Variants in SBF2 observed in about 807,000 individuals in gnomAD.
SBF2 encodes SET binding factor 2.
SBF2 carries 112 observed loss-of-function variants against 225.2 expected under a neutral mutation model. The observed-to-expected ratio is 0.50, with a 90% CI of 0.43 to 0.58. The LOEUF (loss-of-function observed/expected upper bound fraction) is 0.58. Ranked by LOEUF, SBF2 falls within the 20% of genes least tolerant of loss-of-function variation. SBF2 has a pLI of 0.00. For synonymous variants in SBF2, 763 were observed against 773.3 expected, an observed-to-expected ratio of 0.99 and a Z score of 0.22; for missense variants, 1,996 against 2,206.2, an observed-to-expected ratio of 0.90 and a Z score of 1.91.
Position 9,989,576 on chromosome 11 carries a change from T to C in SBF2, c.1316A>G (p.Glu439Gly). Residue 439 changes from glutamate to glycine, a missense_variant, in exon 13 of 40, where the codon GAG (glutamate) becomes GGG (glycine). Transcript: ENST00000256190. The part of the protein sequence containing the change: ...LFDELVAFEV[E>G]RIKVEENNPV... The stretch of plus-strand genomic sequence containing the variant: ...GTTATTTTCTTCAACTTTAATTCTC[T>C]CTACTTCAAAGGCTACCAACTAGGA... The C allele has an allele frequency of 2.5e-6, 4 of 1,605,590 alleles. No individual in the cohort carries two copies. The highest frequency in any genetic ancestry group is 3.4e-6 in the Non-Finnish European group (4 of 1,173,132).
At chr11:10,291,660 ACACACAC>A (rs1964166223) in intron 1 of SBF2, among the ~76,000 whole-genome samples, 3 of 3,098 alleles carry the variant, frequency 9.7e-4, no homozygotes, top group Non-Finnish European at 9.3e-3. Context: ...TCCACTAAAC[ACACACAC>A]ACACACACAC....
intron 2 of SBF2, among the ~76,000 whole-genome samples, chr11:10,136,341 A>T (rs1297819980): frequency 6.6e-6 from 1 of 152,048 alleles, no homozygotes; most frequent in Admixed American, 6.5e-5. Context: ...CTAATGAAGA[A>T]ACTCTTGGTG....
At chr11:10,202,552 G>A (rs567319318) in intron 1 of SBF2, among the ~76,000 whole-genome samples, 8 of 152,302 alleles carry the variant, frequency 5.3e-5, no homozygotes, top group African/African-American at 1.2e-4. Flanking sequence ...TTGGGAGGCC[G>A]AGGCGGGTGG....
intron 16 of SBF2, among the ~76,000 whole-genome samples, chr11:9,925,623 C>G (rs1222059483): frequency 1.3e-5 from 2 of 152,152 alleles, no homozygotes; most frequent in Non-Finnish European, 2.9e-5. Context: ...TCCTCAAAAG[C>G]CAATGTATAT....
chr11:10,265,003 C>T (rs1961830364), intron 1 of SBF2, among the ~76,000 whole-genome samples: 1 of 152,128 alleles, frequency 6.6e-6, no homozygotes, highest in South Asian at 2.1e-4. Context: ...TGGGTGGGTT[C>T]CAATTCTTTG....
intron 17 of SBF2, among the ~76,000 whole-genome samples, chr11:9,860,243 C>T (rs1031988313): frequency 6.8e-6 from 1 of 147,892 alleles, no homozygotes; most frequent in African/African-American, 2.5e-5. Context: ...TAGCAGTACA[C>T]AAGCCTATTT....
chr11:10,031,030 T>C lies in SBF2; in HGVS notation c.402+18A>G. 6.2e-7 allele frequency: 1 copy of C among 1,600,602 alleles called. No homozygotes were observed. The highest frequency in any genetic ancestry group is 8.6e-7 in the Non-Finnish European group (1 of 1,168,632). Reference sequence around the variant, plus strand: ...ACACAATAATACAAATTAATAATGATAACTATGTGTTCTTTACCCTAAAAA... The same window carrying C: ...ACACAATAATACAAATTAATAATGACAACTATGTGTTCTTTACCCTAAAAA... On this transcript the variant is annotated intron_variant, in intron 4 of 39. Coordinates refer to ENST00000256190, the MANE Select transcript of SBF2 (RefSeq NM_030962.4).
At chr11:9,843,687 T>G (rs1340086923) in intron 24 of SBF2, 1 of 152,100 alleles carries the variant, frequency 6.6e-6, no homozygotes, top group Non-Finnish European at 1.5e-5. Context: ...CTTTAGTTAT[T>G]TGCAATGTAA....
Position 9,852,540 on chromosome 11 carries a change from A to G in SBF2, c.2610+136T>C, listed in dbSNP as rs1349870212. On this transcript the variant is annotated intron_variant, in intron 21 of 39. Coordinates refer to ENST00000256190, the MANE Select transcript of SBF2 (RefSeq NM_030962.4). Reference sequence around the variant, plus strand: ...AGGTTCTATATGACACACTTCTCTGACAGTTTAACATATCATTAAAACTGG... The same window carrying G: ...AGGTTCTATATGACACACTTCTCTGGCAGTTTAACATATCATTAAAACTGG... The G allele has an allele frequency of 1.3e-4, 97 of 722,660 alleles. 1 individual carries two copies. The highest frequency in any genetic ancestry group is 7.6e-6 in the Non-Finnish European group (3 of 395,410). 44.8% of individuals were successfully genotyped at this position (722,660 alleles called of 1,614,324 possible).
intron 13 of SBF2, among the ~76,000 whole-genome samples, chr11:9,972,761 G>C (rs968403834): frequency 1.3e-5 from 2 of 152,172 alleles, no homozygotes; most frequent in African/African-American, 4.8e-5. Context: ...GATTACAGGC[G>C]TAAGCCACCA....
intron 6 of SBF2, among the ~76,000 whole-genome samples, chr11:10,005,312 CA>C (rs1948145662): frequency 6.6e-6 from 1 of 152,178 alleles, no homozygotes; most frequent in African/African-American, 2.4e-5. Flanking sequence ...CCAGTAAACA[CA>C]CTGCACATGT....
intron 2 of SBF2, among the ~76,000 whole-genome samples, chr11:10,143,822 A>G (rs1418270212): frequency 2.0e-5 from 3 of 151,926 alleles, no homozygotes. Flanking sequence ...GGTTCACGCC[A>G]TTCTCCTGCC....
chr11:10,023,586 T>C (rs1409271407), intron 6 of SBF2, among the ~76,000 whole-genome samples: 1 of 152,220 alleles, frequency 6.6e-6, no homozygotes, highest in East Asian at 1.9e-4. Flanking sequence ...CCTATGTGTT[T>C]GCCTATTTTG....
intron 2 of SBF2, among the ~76,000 whole-genome samples, chr11:10,053,587 T>C (rs1950136530): frequency 1.3e-5 from 2 of 152,166 alleles, no homozygotes; most frequent in South Asian, 2.1e-4. Flanking sequence ...TATATAGATA[T>C]TCTTCAAAAG....
At chr11:9,814,486 C>G (rs986657323) in intron 29 of SBF2, among the ~76,000 whole-genome samples, 1 of 151,710 alleles carries the variant, frequency 6.6e-6, no homozygotes, top group African/African-American at 2.4e-5. Flanking sequence ...GGAAAAAACC[C>G]CCAGGGAATG....
chr11:10,081,603 A>T (rs1160844229), intron 2 of SBF2, among the ~76,000 whole-genome samples: 1 of 151,972 alleles, frequency 6.6e-6, no homozygotes, highest in Non-Finnish European at 1.5e-5. Context: ...TACTAAAATT[A>T]CAAAAAATTA....
At chr11:9,782,625 C>G (rs909910808) in intron 38 of SBF2, among the ~76,000 whole-genome samples, 10 of 152,260 alleles carry the variant, frequency 6.6e-5, no homozygotes, top group Non-Finnish European at 7.4e-5. Context: ...AATCCTAACA[C>G]TTTGGGAGGC....
intron 6 of SBF2, 65 bp from the exon 7 acceptor site, chr11:10,002,754 GACAGTA>G: frequency 6.7e-7 from 1 of 1,488,030 alleles, no homozygotes; most frequent in Non-Finnish European, 9.4e-7. Context: ...AACAATCATA[GACAGTA>G]TACACGGAAA....
At chr11:10,180,060 T>C (rs548016572) in intron 2 of SBF2, among the ~76,000 whole-genome samples, 3 of 152,332 alleles carry the variant, frequency 2.0e-5, no homozygotes, top group South Asian at 2.1e-4. Flanking sequence ...CATTGCTCTG[T>C]ATATGTCTTG....
Sources: gnomAD v4.1 joint callset for allele counts (sites outside exome capture counted in the v4.1 genomes callset) on GRCh38, gnomAD v4.1.1 for gene constraint, MANE v1.5 for transcripts, NCBI Gene and HGNC (gene_info 2026-07-23, HGNC 2026-07-21) for gene names.